Variants in RORB observed in about 807,000 individuals in gnomAD.
RORB encodes RAR related orphan receptor B.
RORB carries 6 observed loss-of-function variants against 59.1 expected under a neutral mutation model. The ratio of observed to expected loss-of-function variants is 0.10; its 90% CI spans 0.06 to 0.20. The LOEUF (loss-of-function observed/expected upper bound fraction) is 0.20. RORB is among the 10% of genes least tolerant of loss of function. The pLI is 1.00. For missense variants in RORB, 320 were observed against 560.5 expected, an observed-to-expected ratio of 0.57 and a Z score of 4.33; for synonymous variants, 215 against 204.5, an observed-to-expected ratio of 1.05 and a Z score of -0.44.
chr9:74,676,893 C>A (rs1824452432), intron 9 of RORB, among the ~76,000 whole-genome samples: 1 of 152,208 alleles, frequency 6.6e-6, no homozygotes. Flanking sequence ...CAATGGGAAT[C>A]TAAGGGTAGC....
chr9:74,566,343 T>C (rs1304006190), intron 1 of RORB, among the ~76,000 whole-genome samples: 1 of 152,094 alleles, frequency 6.6e-6, no homozygotes, highest in Non-Finnish European at 1.5e-5. Flanking sequence ...ATAATGCATA[T>C]ACATTTCTTC....
chr9:74,690,850 C>T lies in RORB; in HGVS notation c.*5232C>T, dbSNP rs549572028. On this transcript the variant is annotated 3_prime_UTR_variant, in exon 10 of 10. Coordinates refer to ENST00000376896, the MANE Select transcript of RORB (RefSeq NM_006914.4). ...CACTCCAACTTGTCTTGCCCAAACT[C>T]CCTTCTTCATAGAGCCAGGGGGCTG... 10 of 152,084 alleles carry T rather than the reference C, an allele frequency of 6.6e-5. No homozygotes were observed. Among genetic ancestry groups the T allele is most frequent in the Middle Eastern group, 3.5e-3 (1 of 288 alleles). 9.4% of individuals were successfully genotyped at this position (152,084 alleles called of 1,614,324 possible).
intron 1 of RORB, among the ~76,000 whole-genome samples, chr9:74,533,960 G>A (rs1826284606): frequency 6.6e-6 from 1 of 152,022 alleles, no homozygotes; most frequent in Non-Finnish European, 1.5e-5. Flanking sequence ...GAATTGGGGA[G>A]AAAATCTCTC....
intron 3 of RORB, among the ~76,000 whole-genome samples, chr9:74,640,574 C>T (rs1823787071): frequency 6.6e-6 from 1 of 152,128 alleles, no homozygotes; most frequent in African/African-American, 2.4e-5. Flanking sequence ...CAAGCCACCG[C>T]ACCCAGCCCT....
At chr9:74,608,429 T>G (rs920464933) in intron 1 of RORB, among the ~76,000 whole-genome samples, 1 of 151,890 alleles carries the variant, frequency 6.6e-6, no homozygotes, top group Non-Finnish European at 1.5e-5. Context: ...CCGGGCGTGG[T>G]GGCGGGCACC....
intron 1 of RORB, among the ~76,000 whole-genome samples, chr9:74,626,147 G>A (rs904371358): frequency 4.6e-5 from 7 of 152,066 alleles, no homozygotes; most frequent in Non-Finnish European, 1.0e-4. Context: ...CAAAGAAGGG[G>A]TTTTCAGGGG....
At position 74,567,604 on chromosome 9, in the gene RORB, G is replaced by A. The variant is rs185809878; in HGVS notation, c.8-62678G>A. On this transcript the variant is annotated intron_variant, in intron 1 of 9. Coordinates refer to ENST00000376896, the MANE Select transcript of RORB (RefSeq NM_006914.4). ...GAGGGTCTCCACTGAAACCATAGTT[G>A]TAATAGATCCTATGGTTTAATAGAA... Among the ~76,000 whole-genome samples the A allele has an allele frequency of 1.2e-3, 180 of 152,258 alleles. 1 individual carries two copies. Among genetic ancestry groups the A allele is most frequent in the African/African-American group, 3.8e-3 (156 of 41,544 alleles).
intron 1 of RORB, among the ~76,000 whole-genome samples, chr9:74,526,870 G>C (rs1289148505): frequency 2.0e-5 from 3 of 151,994 alleles, no homozygotes; most frequent in Non-Finnish European, 4.4e-5. Context: ...AACAAAGAGA[G>C]TTGCATCAGG....
chr9:74,662,429 G>T (rs1264695746), intron 5 of RORB, 45 bp from the exon 6 acceptor site: 1 of 1,603,358 alleles, frequency 6.2e-7, no homozygotes, highest in African/African-American at 1.3e-5. Flanking sequence ...TTGACTCTCC[G>T]TAAGTCGTTT....
At chr9:74,597,724 C>A (rs1025586175) in intron 1 of RORB, among the ~76,000 whole-genome samples, 2 of 151,946 alleles carry the variant, frequency 1.3e-5, no homozygotes, top group Non-Finnish European at 2.9e-5. Flanking sequence ...TTTGGGAGAC[C>A]GAGGCGGGCA....
In RORB at chr9:74,692,426, C is replaced by A. The variant is rs1173034995; in HGVS notation, c.*6808C>A. ...GATTGAGAGAAATGATTTTCATATA[C>A]TTCCAACATTCAGAGATTTAATGTT... On this transcript the variant is annotated 3_prime_UTR_variant, in exon 10 of 10. Transcript: ENST00000376896. 1.3e-5 allele frequency: 2 copies of A among 152,214 alleles called. No homozygotes were observed. The highest frequency in any genetic ancestry group is 2.9e-5 in the Non-Finnish European group (2 of 68,044). The allele number at this position is 152,214 out of a possible 1,614,324, so 9.4% of individuals were successfully genotyped here.
chr9:74,601,625 A>C (rs1035221933), intron 1 of RORB, among the ~76,000 whole-genome samples: 2 of 152,142 alleles, frequency 1.3e-5, no homozygotes, highest in African/African-American at 4.8e-5. Context: ...CTCACTACAA[A>C]GCTTCCTGTG....
intron 1 of RORB, among the ~76,000 whole-genome samples, chr9:74,577,886 G>A (rs1395501519): frequency 1.3e-5 from 2 of 152,110 alleles, no homozygotes; most frequent in African/African-American, 2.4e-5. Context: ...TAACTAAAAG[G>A]AACCTTGTGA....
intron 1 of RORB, among the ~76,000 whole-genome samples, chr9:74,574,258 G>A (rs1209791637): frequency 6.6e-6 from 1 of 151,918 alleles, no homozygotes; most frequent in Non-Finnish European, 1.5e-5. Context: ...CAGTTTCAGG[G>A]GTCCTCCGTA....
intron 1 of RORB, among the ~76,000 whole-genome samples, chr9:74,554,597 G>A (rs1237881860): frequency 6.6e-6 from 1 of 151,930 alleles, no homozygotes; most frequent in African/African-American, 2.4e-5. Context: ...AAGAATAGAA[G>A]GTCACTATCT....
chr9:74,633,602 C>T (rs1215080309), intron 2 of RORB, among the ~76,000 whole-genome samples: 3 of 152,096 alleles, frequency 2.0e-5, no homozygotes, highest in East Asian at 3.9e-4. Flanking sequence ...AGTGAATGGA[C>T]GAATGATAAC....
At chr9:74,602,545 T>C (rs916835584) in intron 1 of RORB, among the ~76,000 whole-genome samples, 1 of 152,222 alleles carries the variant, frequency 6.6e-6, no homozygotes, top group Non-Finnish European at 1.5e-5. Context: ...TGATGACAAG[T>C]GACGATCCGT....
chr9:74,676,019 G>A (rs967170283), intron 9 of RORB, among the ~76,000 whole-genome samples: 27 of 152,226 alleles, frequency 1.8e-4, no homozygotes, highest in African/African-American at 5.8e-4. Flanking sequence ...GAGGTGCAGA[G>A]GGTAGAGGAT....
intron 1 of RORB, among the ~76,000 whole-genome samples, chr9:74,540,019 A>G (rs888460032): frequency 1.3e-5 from 2 of 152,154 alleles, no homozygotes; most frequent in African/African-American, 4.8e-5. Context: ...GATTTTTTTC[A>G]GTGTGATAGA....
Sources: gnomAD v4.1 joint callset for allele counts (sites outside exome capture counted in the v4.1 genomes callset) on GRCh38, gnomAD v4.1.1 for gene constraint, MANE v1.5 for transcripts, NCBI Gene and HGNC (gene_info 2026-07-23, HGNC 2026-07-21) for gene names.